Variants in AFG2A observed in about 807,000 individuals in gnomAD.
AFG2A encodes AAA ATPase AFG2A.
chr4:123,299,522 TAG>T, the AFG2A span, among the ~76,000 whole-genome samples: 1 of 152,188 alleles, frequency 6.6e-6, no homozygotes, highest in South Asian at 2.1e-4. Context: ...TCATTCATAG[TAG>T]AGAGTACATT....
the AFG2A span, among the ~76,000 whole-genome samples, chr4:123,154,423 T>C: frequency 2.0e-5 from 3 of 152,134 alleles, no homozygotes; most frequent in Non-Finnish European, 2.9e-5. Context: ...GTCAACAGTT[T>C]AAAGTAGCAG....
At chr4:123,273,261 A>G in the AFG2A span, among the ~76,000 whole-genome samples, 1 of 152,164 alleles carries the variant, frequency 6.6e-6, no homozygotes, top group Non-Finnish European at 1.5e-5. Flanking sequence ...TATGCGTAGT[A>G]TAATATATAG....
At chr4:123,223,609 G>A in the AFG2A span, among the ~76,000 whole-genome samples, 56 of 152,190 alleles carry the variant, frequency 3.7e-4, no homozygotes, top group South Asian at 0.011. Context: ...ACATACATTT[G>A]AGCAACCAAA....
At chr4:123,221,741 A>G in the AFG2A span, among the ~76,000 whole-genome samples, 1 of 152,098 alleles carries the variant, frequency 6.6e-6, no homozygotes, top group Non-Finnish European at 1.5e-5. Context: ...CCTGGCCAAC[A>G]TGGTGAAACC....
At chr4:123,214,732 G>A in the AFG2A span, among the ~76,000 whole-genome samples, 1 of 151,866 alleles carries the variant, frequency 6.6e-6, no homozygotes, top group Non-Finnish European at 1.5e-5. Context: ...GCCTTAAGAC[G>A]ATAAGGATGA....
At chr4:123,196,140 A>G in the AFG2A span, among the ~76,000 whole-genome samples, 3 of 141,820 alleles carry the variant, frequency 2.1e-5, no homozygotes, top group South Asian at 2.2e-4. Context: ...AGCTGGGACT[A>G]CAGGCGCCCA....
At chr4:123,116,171 C>T in the AFG2A span, among the ~76,000 whole-genome samples, 11 of 152,306 alleles carry the variant, frequency 7.2e-5, no homozygotes, top group East Asian at 2.1e-3. Flanking sequence ...AGTGCCACCA[C>T]ACCCAGGCTA....
the AFG2A span, among the ~76,000 whole-genome samples, chr4:122,999,847 A>G: frequency 6.6e-6 from 1 of 151,842 alleles, no homozygotes; most frequent in African/African-American, 2.4e-5. Context: ...CTGTGAAGAA[A>G]GTCATTGGTA....
At chr4:123,045,781 A>C in the AFG2A span, among the ~76,000 whole-genome samples, 1 of 152,058 alleles carries the variant, frequency 6.6e-6, no homozygotes, top group Non-Finnish European at 1.5e-5. Context: ...TTTTGTGGGA[A>C]GTTATTTTGG....
the AFG2A span, among the ~76,000 whole-genome samples, chr4:123,285,962 G>A: frequency 4.6e-5 from 7 of 152,092 alleles, no homozygotes; most frequent in South Asian, 4.1e-4. Context: ...TATCACCATC[G>A]TCAATATAAT....
At chr4:123,134,417 T>C in the AFG2A span, among the ~76,000 whole-genome samples, 1 of 152,112 alleles carries the variant, frequency 6.6e-6, no homozygotes, top group Admixed American at 6.5e-5. Context: ...ACTATAGACA[T>C]GTGGATTTAT....
the AFG2A span, among the ~76,000 whole-genome samples, chr4:123,224,588 A>G: frequency 6.6e-6 from 1 of 152,078 alleles, no homozygotes; most frequent in African/African-American, 2.4e-5. Flanking sequence ...TATGTGCCAC[A>G]TTTTCTTAAT....
the AFG2A span, among the ~76,000 whole-genome samples, chr4:123,123,446 TTA>T: frequency 6.6e-6 from 1 of 152,214 alleles, no homozygotes; most frequent in Non-Finnish European, 1.5e-5. Context: ...TGATGATCTT[TTA>T]TGTTTTTCTA....
chr4:122,967,323 C>T, the AFG2A span, among the ~76,000 whole-genome samples: 1 of 151,870 alleles, frequency 6.6e-6, no homozygotes, highest in Non-Finnish European at 1.5e-5. Context: ...TTGCTTGAGT[C>T]TAGGAGTTGA....
chr4:123,055,237 T>C, the AFG2A span, among the ~76,000 whole-genome samples: 1 of 152,182 alleles, frequency 6.6e-6, no homozygotes, highest in Non-Finnish European at 1.5e-5. Flanking sequence ...TATAGTAACA[T>C]CTATTTTGGC....
chr4:123,216,150 G>C, the AFG2A span, among the ~76,000 whole-genome samples: 12 of 152,084 alleles, frequency 7.9e-5, no homozygotes, highest in Admixed American at 1.3e-4. Flanking sequence ...GCAGCACAAT[G>C]TCATGAGATT....
chr4:123,205,653 A>G, the AFG2A span, among the ~76,000 whole-genome samples: 1 of 152,248 alleles, frequency 6.6e-6, no homozygotes, highest in Middle Eastern at 3.4e-3. Context: ...GGACTTGAGC[A>G]TCTGTGGAAT....
At chr4:123,088,708 C>G in the AFG2A span, among the ~76,000 whole-genome samples, 264 of 152,188 alleles carry the variant, frequency 1.7e-3, 1 homozygote, top group African/African-American at 5.8e-3. Context: ...TGGCACTTCC[C>G]CCTTCGTGCT....
the AFG2A span, among the ~76,000 whole-genome samples, chr4:123,061,587 G>A: frequency 2.0e-5 from 3 of 152,096 alleles, no homozygotes; most frequent in South Asian, 4.2e-4. Context: ...TCCATGATTC[G>A]ATTACCTCCA....
Sources: allele counts gnomAD v4.1 joint callset (sites outside exome capture counted in the v4.1 genomes callset), GRCh38; gene constraint gnomAD v4.1.1; transcripts MANE v1.5; gene names NCBI Gene and HGNC (gene_info 2026-07-23, HGNC 2026-07-21).